The following CNGA3 variants were observed in gnomAD, a reference collection of about 807,000 sequenced individuals.
CNGA3 encodes the protein cyclic nucleotide-gated channel alpha-3.
In CNGA3, 42 loss-of-function variants were observed where a neutral mutation model predicts 46.6. That is an observed-to-expected ratio of 0.90 (90% CI 0.70 to 1.17). The LOEUF (loss-of-function observed/expected upper bound fraction) is 1.17, where lower values mean the gene tolerates loss of function less well. Ranked by LOEUF, CNGA3 falls within the 50% of genes most tolerant of loss-of-function variation. CNGA3 has a pLI of 0.00. For synonymous variants in CNGA3, 394 were observed against 369.4 expected (o/e 1.07, Z -0.76); for missense variants, 893 against 890.7 (o/e 1.00, Z -0.03).
chr2:98,367,589 G>C (rs2104168180), intron 1 of CNGA3, among the ~76,000 whole-genome samples: 1 of 152,116 alleles, frequency 6.6e-6, no homozygotes, highest in African/African-American at 2.4e-5. Flanking sequence ...AGTTTTGCAG[G>C]CATCTCAAAC....
At chr2:98,361,908 C>T (rs1300520289) in intron 1 of CNGA3, among the ~76,000 whole-genome samples, 3 of 151,840 alleles carry the variant, frequency 2.0e-5, no homozygotes, top group African/African-American at 4.8e-5. Context: ...AGGGTTTCAC[C>T]GTGTTAGCCA....
intron 1 of CNGA3, among the ~76,000 whole-genome samples, chr2:98,361,198 C>T (rs1174688783): frequency 6.6e-6 from 1 of 152,026 alleles, no homozygotes; most frequent in Non-Finnish European, 1.5e-5. Context: ...CCTGGAGAGG[C>T]CCCAGTGTGT....
At chr2:98,380,396 G>T in intron 4 of CNGA3, 42 bp downstream of exon 4, 1 of 1,589,566 alleles carries the variant, frequency 6.3e-7, no homozygotes. Flanking sequence ...GTGCCTGCTG[G>T]GGCCAGGCAG....
At chr2:98,347,256 G>A (rs1691654271) in intron 1 of CNGA3, 2 of 152,240 alleles carry the variant, frequency 1.3e-5, no homozygotes, top group South Asian at 4.1e-4. Context: ...AATCACACCC[G>A]GGATCTCGGA....
intron 2 of CNGA3, among the ~76,000 whole-genome samples, chr2:98,371,370 C>T (rs780609969): frequency 1.3e-5 from 2 of 152,162 alleles, no homozygotes; most frequent in Admixed American, 6.5e-5. Context: ...CCCAAAGGCA[C>T]ATTTGGTTGT....
At chr2:98,376,132 G>A (rs532130638) in intron 2 of CNGA3, among the ~76,000 whole-genome samples, 3 of 152,222 alleles carry the variant, frequency 2.0e-5, no homozygotes, top group African/African-American at 4.8e-5. Flanking sequence ...AATCAATTGC[G>A]CATACACAAG....
At chr2:98,392,033 A>C in intron 7 of CNGA3, 63 bp downstream of exon 7, 1 of 1,431,284 alleles carries the variant, frequency 7.0e-7, no homozygotes, top group Non-Finnish European at 9.8e-7. Context: ...CGGGAGACCC[A>C]GCATGGTGGA....
At chr2:98,391,031 G>A (rs1692774637) in intron 6 of CNGA3, among the ~76,000 whole-genome samples, 1 of 152,062 alleles carries the variant, frequency 6.6e-6, no homozygotes, top group South Asian at 2.1e-4. Context: ...GGGCACTCCT[G>A]AGCAAGCCTG....
At chr2:98,380,448 G>A in intron 4 of CNGA3, 94 bp downstream of exon 4, 1 of 1,473,252 alleles carries the variant, frequency 6.8e-7, no homozygotes, top group Non-Finnish European at 9.3e-7. Flanking sequence ...TGCAGCACAG[G>A]TGGCCTGGAA....
intron 1 of CNGA3, among the ~76,000 whole-genome samples, chr2:98,359,620 A>G (rs572204888): frequency 1.3e-5 from 2 of 152,170 alleles, no homozygotes; most frequent in South Asian, 4.2e-4. Context: ...TCATGAGGAG[A>G]GCTGATCTCT....
chr2:98,350,534 T>A (rs988438944), intron 1 of CNGA3, among the ~76,000 whole-genome samples: 11 of 152,168 alleles, frequency 7.2e-5, no homozygotes, highest in African/African-American at 2.7e-4. Flanking sequence ...CCTCTTGCAA[T>A]CTCAACCTGA....
chr2:98,393,586 C>A (rs746315074), intron 7 of CNGA3, among the ~76,000 whole-genome samples: 45 of 152,214 alleles, frequency 3.0e-4, no homozygotes, highest in Non-Finnish European at 5.4e-4. Context: ...TGGTCACCTG[C>A]CCCGCTGCTG....
chr2:98,369,863 C>T, intron 1 of CNGA3, 76 bp from the exon 2 acceptor site: 2 of 909,770 alleles, frequency 2.2e-6, no homozygotes, highest in Non-Finnish European at 3.5e-6. Context: ...CGTGCGGTAG[C>T]CCTTGCCCTT....
At position 98,396,467 on chromosome 2, in the gene CNGA3, T is replaced by C. The variant is rs775361622; in HGVS notation, c.1297T>C (p.Leu433=). ...YMQFRKVTKD[L]ETRVIRWFDY... ...GCAGTTCCGCAAGGTCACCAAGGAC[T>C]TGGAGACGCGGGTTATCCGGTGGTT... The change falls in exon 8 of 8, where the codon TTG becomes CTG. Residue 433 remains leucine, a synonymous_variant. Transcript: ENST00000272602. The C allele has an allele frequency of 6.2e-7, 1 of 1,613,992 alleles. No homozygotes were observed. The highest frequency in any genetic ancestry group is 2.2e-5 in the East Asian group (1 of 44,856).
At chr2:98,391,030 T>C (rs1440477079) in intron 6 of CNGA3, among the ~76,000 whole-genome samples, 1 of 152,052 alleles carries the variant, frequency 6.6e-6, no homozygotes, top group Non-Finnish European at 1.5e-5. Context: ...GGGGCACTCC[T>C]GAGCAAGCCT....
At chr2:98,368,929 T>C (rs1692224175) in intron 1 of CNGA3, among the ~76,000 whole-genome samples, 1 of 152,162 alleles carries the variant, frequency 6.6e-6, no homozygotes, top group African/African-American at 2.4e-5. Flanking sequence ...TGTGAAAACC[T>C]GAAAAGACAT....
chr2:98,359,676 C>T (rs62156298), intron 1 of CNGA3, among the ~76,000 whole-genome samples: 8,112 of 152,276 alleles, frequency 0.053, 294 homozygotes, highest in Non-Finnish European at 0.082. Flanking sequence ...AGCCCTAGGT[C>T]CACACCACGT....
intron 1 of CNGA3, among the ~76,000 whole-genome samples, chr2:98,358,209 A>C (rs905495893): frequency 2.0e-5 from 3 of 152,394 alleles, no homozygotes; most frequent in Non-Finnish European, 4.4e-5. Context: ...TTAAGATGTC[A>C]TGACTCAAAA....
intron 3 of CNGA3, 196 bp from the exon 4 acceptor site, chr2:98,379,979 G>C: frequency 1.6e-6 from 1 of 638,574 alleles, no homozygotes; most frequent in South Asian, 1.9e-5. Flanking sequence ...GGGGATAAAC[G>C]GTCCCCATGG....
Sources: gnomAD v4.1 joint callset for allele counts (sites outside exome capture counted in the v4.1 genomes callset) on GRCh38, gnomAD v4.1.1 for gene constraint, MANE v1.5 for transcripts, NCBI Gene and HGNC (gene_info 2026-07-23, HGNC 2026-07-21) for gene names.